DRAM1: variants seen among roughly 807,000 people sequenced by gnomAD.
The protein encoded by DRAM1 is DNA damage regulated autophagy modulator 1.
DRAM1 carries 25 observed loss-of-function variants against 28.5 expected under a neutral mutation model. That is an observed-to-expected ratio of 0.88 (90% confidence interval 0.64 to 1.23). The LOEUF (loss-of-function observed/expected upper bound fraction) is 1.23, where lower values mean the gene tolerates loss of function less well. Ranked by LOEUF, DRAM1 falls within the 50% of genes most tolerant of loss-of-function variation. DRAM1 has a pLI of 0.00. For synonymous variants in DRAM1, 113 were observed against 114.2 expected (o/e 0.99, Z 0.07); for missense variants, 249 against 299.2 (o/e 0.83, Z 1.24).
At chr12:101,884,455 A>G (rs1474982266) in intron 1 of DRAM1, among the ~76,000 whole-genome samples, 2 of 150,790 alleles carry the variant, frequency 1.3e-5, no homozygotes, top group Admixed American at 6.6e-5. Flanking sequence ...ATAGTTTCTT[A>G]TCAAATTATT....
chr12:101,907,157 G>A (rs1417969330), intron 3 of DRAM1, among the ~76,000 whole-genome samples: 4 of 133,218 alleles, frequency 3.0e-5, no homozygotes, highest in African/African-American at 1.2e-4. Context: ...CTATGATCAT[G>A]CCACTGCACT....
At chr12:101,885,062 T>C (rs1872837066) in intron 1 of DRAM1, among the ~76,000 whole-genome samples, 1 of 151,694 alleles carries the variant, frequency 6.6e-6, no homozygotes, top group South Asian at 2.1e-4. Context: ...TCCTCCCGAG[T>C]AGCTGTGATT....
chr12:101,918,904 ATTTATT>A (rs1874359305), intron 5 of DRAM1, among the ~76,000 whole-genome samples: 2 of 151,922 alleles, frequency 1.3e-5, no homozygotes, highest in Non-Finnish European at 2.9e-5. Flanking sequence ...TCAGAGTTTT[ATTTATT>A]TTTATTTTAT....
intron 5 of DRAM1, among the ~76,000 whole-genome samples, chr12:101,917,712 C>A (rs75683502): frequency 6.7e-6 from 1 of 148,710 alleles, no homozygotes; most frequent in East Asian, 2.0e-4. Flanking sequence ...AAAAAAAAAG[C>A]CTTCTTTAAA....
chr12:101,903,875 G>GGTT (rs2121108385), intron 3 of DRAM1, among the ~76,000 whole-genome samples: 1 of 151,432 alleles, frequency 6.6e-6, no homozygotes, highest in East Asian at 1.9e-4. Context: ...ACTAGTCTGG[G>GGTT]CAACATAGGG....
chr12:101,898,047 CAGGGT>C, intron 2 of DRAM1, 117 bp downstream of exon 2: 1 of 612,366 alleles, frequency 1.6e-6, no homozygotes, highest in Non-Finnish European at 2.6e-6. Flanking sequence ...TTTTCTGAGA[CAGGGT>C]CTCTGTCATC....
At chr12:101,910,983 C>T (rs1031248835) in intron 4 of DRAM1, among the ~76,000 whole-genome samples, 7 of 152,096 alleles carry the variant, frequency 4.6e-5, no homozygotes, top group African/African-American at 1.7e-4. Context: ...CACCTGTAAT[C>T]CCAGCACGTT....
intron 1 of DRAM1, among the ~76,000 whole-genome samples, chr12:101,894,440 C>G (rs1873268479): frequency 6.6e-6 from 1 of 152,032 alleles, no homozygotes; most frequent in Admixed American, 6.6e-5. Flanking sequence ...TTTGTAGAGA[C>G]AGGGTTTCAC....
intron 4 of DRAM1, among the ~76,000 whole-genome samples, chr12:101,910,172 G>A (rs58578551): frequency 0.2 from 29,775 of 151,968 alleles, 3,435 homozygotes; most frequent in East Asian, 0.34. Context: ...TCCTAGTACC[G>A]AGAAATTTAC....
chr12:101,910,479 G>GTTTT (rs772877223), intron 4 of DRAM1, among the ~76,000 whole-genome samples: 2 of 139,272 alleles, frequency 1.4e-5, no homozygotes, highest in East Asian at 2.1e-4. Context: ...TTTCTAGAAA[G>GTTTT]TTTTTTTTTT....
intron 1 of DRAM1, among the ~76,000 whole-genome samples, chr12:101,895,186 G>GTTTTTTTTTTGTTTGTTTTTT (rs1873300674): frequency 1.5e-4 from 11 of 75,718 alleles, no homozygotes; most frequent in Non-Finnish European, 2.1e-4. Context: ...AACCCTTCAG[G>GTTTTTTTTTTGTTTGTTTTTT]TTTTTTTTTT....
intron 2 of DRAM1, among the ~76,000 whole-genome samples, chr12:101,899,007 TC>T (rs1031770118): frequency 2.5e-4 from 38 of 152,058 alleles, no homozygotes; most frequent in African/African-American, 8.5e-4. Flanking sequence ...TTCTATAATC[TC>T]CCCCCAAACA....
intron 3 of DRAM1, among the ~76,000 whole-genome samples, chr12:101,907,607 C>T (rs7977544): frequency 0.017 from 2,553 of 152,086 alleles, 28 homozygotes; most frequent in Non-Finnish European, 0.026. Context: ...GGCGTGGTGG[C>T]ACGTGCCTGT....
chr12:101,888,265 G>T (rs977839834), intron 1 of DRAM1, among the ~76,000 whole-genome samples: 3 of 151,974 alleles, frequency 2.0e-5, no homozygotes, highest in Admixed American at 6.6e-5. Context: ...GAGTAGCTGG[G>T]ATTACAGGCG....
At chr12:101,892,755 C>T (rs1873186998) in intron 1 of DRAM1, among the ~76,000 whole-genome samples, 1 of 151,868 alleles carries the variant, frequency 6.6e-6, no homozygotes, top group African/African-American at 2.4e-5. Flanking sequence ...ATTTCCTCAC[C>T]TCTTTGAATT....
intron 1 of DRAM1, among the ~76,000 whole-genome samples, chr12:101,887,145 C>CAA (rs10654713): frequency 0.26 from 32,866 of 128,864 alleles, 4,451 homozygotes; most frequent in East Asian, 0.39. Flanking sequence ...AACTCCGTTT[C>CAA]AAAAAAAAAA....
intron 1 of DRAM1, among the ~76,000 whole-genome samples, chr12:101,885,525 CTTTTT>C (rs11342964): frequency 2.1e-5 from 2 of 96,408 alleles, no homozygotes; most frequent in African/African-American, 4.3e-5. Context: ...TCCCACTGGA[CTTTTT>C]TTTTTTTTTT....
intron 4 of DRAM1, among the ~76,000 whole-genome samples, chr12:101,908,977 TCAAGCTGGGCGTAGTGG>T (rs1438226697): frequency 6.7e-6 from 1 of 149,642 alleles, no homozygotes; most frequent in Non-Finnish European, 1.5e-5. Context: ...AAAGTGTAGA[TCAAGCTGGGCGTAGTGG>T]CTCACGCCTG....
At chr12:101,920,004 C>T (rs1874416012) in intron 5 of DRAM1, 105 bp from the exon 6 acceptor site, 2 of 706,858 alleles carry the variant, frequency 2.8e-6, no homozygotes, top group Non-Finnish European at 4.4e-6. Flanking sequence ...GACTTATGCT[C>T]ACTGGACAGC....
Sources: allele counts gnomAD v4.1 joint callset (sites outside exome capture counted in the v4.1 genomes callset), GRCh38; gene constraint gnomAD v4.1.1; transcripts MANE v1.5; gene names NCBI Gene and HGNC (gene_info 2026-07-23, HGNC 2026-07-21).